The following RREB1 variants were observed in gnomAD, a reference collection of about 807,000 sequenced individuals.
RREB1 encodes ras responsive element binding protein 1.
RREB1 carries 27 observed loss-of-function variants against 117.8 expected under a neutral mutation model. The ratio of observed to expected loss-of-function variants is 0.23; its 90% CI spans 0.17 to 0.32. The LOEUF (loss-of-function observed/expected upper bound fraction) is 0.32. Ranked by LOEUF, RREB1 falls within the 10% of genes least tolerant of loss-of-function variation. RREB1 has a pLI of 1.00. For missense variants in RREB1, 2,577 were observed against 2,378.2 expected (o/e 1.08, Z -1.74); for synonymous variants, 1,298 against 1,026.7 (o/e 1.26, Z -5.05).
In RREB1 at chr6:7,229,806, C is replaced by A. The variant is rs1202249043; in HGVS notation, c.1707C>A (p.Thr569=). 1 of 1,610,796 alleles carries A rather than the reference C, an allele frequency of 6.2e-7. No individual in the cohort carries two copies. Among genetic ancestry groups the A allele is most frequent in the Admixed American group, 1.7e-5 (1 of 59,862 alleles). ...ACCTGCTGCAGTCCAAGTCCGGGAC[C>A]CAGCCCCACGCGGCCACGCGGCTCT... The part of the protein sequence containing the change: ...NAHLLQSKSG[T]QPHAATRLSL... Residue 569 remains threonine, a synonymous_variant, in exon 10 of 13, where the codon ACC becomes ACA. Coordinates refer to ENST00000379938, the MANE Select transcript of RREB1 (RefSeq NM_001003699.4). This position sits in a 1 kb window ranked among gnomAD's most constrained non-coding sequence, Gnocchi z 4.5.
intron 10 of RREB1, among the ~76,000 whole-genome samples, chr6:7,233,622 G>C (rs950222193): frequency 2.6e-5 from 4 of 152,134 alleles, no homozygotes; most frequent in Non-Finnish European, 5.9e-5. Flanking sequence ...TTAGCTCTGG[G>C]CATCCTGGGT....
intron 1 of RREB1, among the ~76,000 whole-genome samples, chr6:7,146,365 G>A (rs1387827534): frequency 6.6e-6 from 1 of 152,084 alleles, no homozygotes; most frequent in Non-Finnish European, 1.5e-5. Flanking sequence ...CCTGAGAGGG[G>A]GAAAGCAGGA....
intron 6 of RREB1, among the ~76,000 whole-genome samples, chr6:7,208,954 C>T (rs967853148): frequency 6.6e-6 from 1 of 152,188 alleles, no homozygotes; most frequent in Non-Finnish European, 1.5e-5. Context: ...TCGGCTCAAG[C>T]TCTGAGGCTA....
At chr6:7,224,339 A>G (rs1458958464) in intron 8 of RREB1, among the ~76,000 whole-genome samples, 7 of 152,206 alleles carry the variant, frequency 4.6e-5, no homozygotes, top group Non-Finnish European at 2.9e-5. Flanking sequence ...AAATATTATC[A>G]TAACTAAAAA....
At chr6:7,232,614 G>C (rs1768068386) in intron 10 of RREB1, among the ~76,000 whole-genome samples, 1 of 152,082 alleles carries the variant, frequency 6.6e-6, no homozygotes, top group Admixed American at 6.5e-5. Context: ...TCCTTCCTGA[G>C]CCCTTCTTCC....
chr6:7,211,386 G>T (rs1766594020), intron 7 of RREB1, among the ~76,000 whole-genome samples, 187 bp from the exon 8 acceptor site: 1 of 151,340 alleles, frequency 6.6e-6, no homozygotes. Flanking sequence ...ATGGATGGAT[G>T]GATGGTAGCG....
intron 1 of RREB1, among the ~76,000 whole-genome samples, chr6:7,167,822 G>A (rs1303936991): frequency 6.6e-6 from 1 of 152,174 alleles, no homozygotes; most frequent in Non-Finnish European, 1.5e-5. Flanking sequence ...TGTTTGTAAA[G>A]TATTTTAACA....
chr6:7,121,809 G>T (rs1438605112), intron 1 of RREB1, among the ~76,000 whole-genome samples: 1 of 152,000 alleles, frequency 6.6e-6, no homozygotes, highest in African/African-American at 2.4e-5. Flanking sequence ...AAAACCGACA[G>T]TGACGTGTTT....
chr6:7,191,221 AT>A (rs796819855), intron 6 of RREB1, among the ~76,000 whole-genome samples: 6,461 of 145,468 alleles, frequency 0.044, 404 homozygotes, highest in African/African-American at 0.14. Context: ...TTCACTTTTC[AT>A]TTTTTTTTTT....
In RREB1 at chr6:7,230,140, G is replaced by A. The variant is rs181556447; in HGVS notation, c.2041G>A (p.Ala681Thr). Reference protein sequence around the residue: ...YQCNICDYIAADKAALIRHLR... With the variant: ...YQCNICDYIATDKAALIRHLR... ...GTGCAACATCTGCGACTACATCGCC[G>A]CCGACAAGGCCGCGCTCATCCGCCA... Residue 681 changes from alanine to threonine, a missense_variant, in exon 10 of 13, where the codon GCC (alanine) becomes ACC (threonine). Transcript: ENST00000379938. 1.4e-5 allele frequency: 23 copies of A among 1,604,564 alleles called. No homozygotes were observed. In the Admixed American group the frequency reaches 2.2e-4, roughly 15 times the overall value.
At chr6:7,188,252 T>TGTGTGTGTGTGTGTGTGTGC (rs1411771705) in intron 5 of RREB1, among the ~76,000 whole-genome samples, 64 of 147,658 alleles carry the variant, frequency 4.3e-4, no homozygotes, top group African/African-American at 1.5e-3. Context: ...TGTGTGTGTG[T>TGTGTGTGTGTGTGTGTGTGC]GCGCGCGCGC....
At position 7,193,272 on chromosome 6, in the gene RREB1, T is replaced by C. The variant is rs537120041; in HGVS notation, c.425+3950T>C. 1.5e-4 allele frequency among the ~76,000 whole-genome samples: 23 copies of C among 152,292 alleles called. 1 individual carries two copies. In the South Asian group the frequency reaches 4.6e-3, roughly 30 times the overall value. On this transcript the variant is annotated intron_variant, in intron 6 of 12. Transcript: ENST00000379938. ...CTAACATATGGTTTATCCTGGAGAG[T>C]GTTCCATCTGTTTGAGAAGAATGTG...
rs758211039 is a variant in RREB1 at position 7,182,062 on chromosome 6, C to T, written c.151C>T (p.Arg51Trp). 8.1e-6 allele frequency: 13 copies of T among 1,613,992 alleles called. No homozygotes were observed. Among genetic ancestry groups the T allele is most frequent in the East Asian group, 4.5e-5 (2 of 44,876 alleles). The change falls in exon 4 of 13, where the codon CGG becomes TGG. Residue 51 changes from arginine to tryptophan, a missense_variant. Physicochemically the swap from Arg to Trp is moderately radical, Grantham distance 101 (BLOSUM62 -3). Coordinates refer to ENST00000379938, the MANE Select transcript of RREB1 (RefSeq NM_001003699.4). Reference protein sequence around the residue: ...KSPSKPPGPNRIGRRNQETKE... With the variant: ...KSPSKPPGPNWIGRRNQETKE... The stretch of plus-strand genomic sequence containing the variant: ...CCCCTCGAAGCCTCCAGGACCAAAT[C>T]GGATTGGCAGAAGGAACCAGGTAAG...
At chr6:7,148,953 T>C (rs1212530873) in intron 1 of RREB1, among the ~76,000 whole-genome samples, 1 of 152,184 alleles carries the variant, frequency 6.6e-6, no homozygotes, top group Non-Finnish European at 1.5e-5. Context: ...GACAGAGTCT[T>C]GCTCTGTTGC....
intron 6 of RREB1, 135 bp from the exon 7 acceptor site, chr6:7,210,669 T>A: frequency 1.5e-6 from 1 of 653,156 alleles, no homozygotes; most frequent in Non-Finnish European, 2.5e-6. Flanking sequence ...AAGATAGAAG[T>A]CACTGTATAA....
At position 7,187,542 on chromosome 6, in the gene RREB1, TTTA is replaced by T. The variant is rs768335347; in HGVS notation, c.261+22_261+24del. 2.3e-6 allele frequency: 1 copy of T among 432,088 alleles called. No individual in the cohort carries two copies. The highest frequency in any genetic ancestry group is 8.6e-5 in the South Asian group (1 of 11,694). 26.8% of individuals were successfully genotyped at this position (432,088 alleles called of 1,614,324 possible). On this transcript the variant is annotated intron_variant, in intron 5 of 12. Transcript: ENST00000379938. ...TCGCCAGGTAGATTCCCACTGTTCT[TTTA>T]TTTTATTTTATTTTATTTTATTTTA...
At chr6:7,137,651 A>G (rs1762398497) in intron 1 of RREB1, among the ~76,000 whole-genome samples, 1 of 152,028 alleles carries the variant, frequency 6.6e-6, no homozygotes, top group African/African-American at 2.4e-5. Context: ...TGGTCTACTG[A>G]AAACATTAGT....
At chr6:7,247,259 G>A in intron 12 of RREB1, 38 bp downstream of exon 12, 1 of 1,568,168 alleles carries the variant, frequency 6.4e-7, no homozygotes, top group Non-Finnish European at 8.6e-7. Flanking sequence ...CCAACAAGAG[G>A]AGGCGAGCCG....
intron 1 of RREB1, among the ~76,000 whole-genome samples, chr6:7,109,886 A>T (rs758082922): frequency 2.6e-5 from 4 of 152,184 alleles, no homozygotes; most frequent in Non-Finnish European, 5.9e-5. Context: ...TGAATAAAAA[A>T]ATATAACGTT....
Sources: gnomAD v4.1 joint callset for allele counts (sites outside exome capture counted in the v4.1 genomes callset) on GRCh38, gnomAD v4.1.1 for gene constraint, Gnocchi (gnomAD v3.1) non-coding constraint, MANE v1.5 for transcripts, NCBI Gene and HGNC (gene_info 2026-07-23, HGNC 2026-07-21) for gene names.